Variants in TMED3 observed in about 807,000 individuals in gnomAD.
TMED3 encodes the protein transmembrane p24 trafficking protein 3.
A neutral mutation model predicts 15.0 loss-of-function variants in TMED3; 9 were observed. The observed-to-expected ratio is 0.60, with a 90% CI of 0.36 to 1.04. The LOEUF is 1.04. TMED3 is among the 50% of genes least tolerant of loss of function. The pLI is 0.01. For missense variants in TMED3, 267 were observed against 278.9 expected, an observed-to-expected ratio of 0.96 and a Z score of 0.30; for synonymous variants, 117 against 121.4, an observed-to-expected ratio of 0.96 and a Z score of 0.24.
chr15:79,346,450 G>A (rs1426608927), intron 2 of TMED3, among the ~76,000 whole-genome samples: 1 of 152,146 alleles, frequency 6.6e-6, no homozygotes, highest in Non-Finnish European at 1.5e-5. Context: ...ATAAAGGGCA[G>A]TACCCCTGCA....
In TMED3 at chr15:79,322,457, G is replaced by A; in HGVS notation, c.*243G>A. On this transcript the variant is annotated 3_prime_UTR_variant, in exon 3 of 3. Coordinates refer to ENST00000299705, the MANE Select transcript of TMED3 (RefSeq NM_007364.4). ...GCGCTGAAAAGACATTTACAACTAGGCCAGGGATTAGCCACTGTGGGAGGG... is the reference window on the plus strand; with the variant it reads ...GCGCTGAAAAGACATTTACAACTAGACCAGGGATTAGCCACTGTGGGAGGG... 1.5e-6 allele frequency: 2 copies of A among 1,339,496 alleles called. No homozygotes were observed. Among genetic ancestry groups the A allele is most frequent in the Non-Finnish European group, 1.9e-6 (2 of 1,045,644 alleles). 83.0% of individuals were successfully genotyped at this position (1,339,496 alleles called of 1,614,324 possible). A position where few individuals can be genotyped will look rare whatever the true frequency, so the allele number is the denominator to read the frequency against.
At chr15:79,386,358 G>A (rs1367435230) in intron 2 of TMED3, among the ~76,000 whole-genome samples, 1 of 152,134 alleles carries the variant, frequency 6.6e-6, no homozygotes, top group Admixed American at 6.5e-5. Flanking sequence ...ACTTTTCAGA[G>A]CACTCTCCTC....
intron 2 of TMED3, among the ~76,000 whole-genome samples, chr15:79,353,228 A>T (rs1237695192): frequency 5.2e-5 from 4 of 76,392 alleles, no homozygotes; most frequent in African/African-American, 1.7e-4. Context: ...ATTATACATA[A>T]TATATAAAAT....
At chr15:79,339,524 C>G (rs1315323158) in intron 2 of TMED3, among the ~76,000 whole-genome samples, 1 of 152,216 alleles carries the variant, frequency 6.6e-6, no homozygotes, top group African/African-American at 2.4e-5. Flanking sequence ...GCTGTTGATT[C>G]TATTAACTTC....
chr15:79,328,434 A>G (rs558565089), intron 2 of TMED3, among the ~76,000 whole-genome samples: 15 of 152,224 alleles, frequency 9.9e-5, no homozygotes, highest in Non-Finnish European at 1.6e-4. Context: ...CCTGACTTCT[A>G]TGCAAAAAAA....
At chr15:79,311,443 C>G in intron 1 of TMED3, 26 bp downstream of exon 1, 1 of 1,589,250 alleles carries the variant, frequency 6.3e-7, no homozygotes, top group Non-Finnish European at 8.6e-7. Flanking sequence ...CGGCAGCGCT[C>G]CCTTCTCCCT....
At chr15:79,323,016 A>G, downstream of TMED3, 1 of 529,676 alleles carries the variant, frequency 1.9e-6, no homozygotes. Flanking sequence ...GACTGAAAAC[A>G]AAATAGGAAG....
At chr15:79,353,110 AAT>A (rs1366942908) in intron 2 of TMED3, among the ~76,000 whole-genome samples, 2,691 of 90,852 alleles carry the variant, frequency 0.03, 87 homozygotes, top group Admixed American at 0.087. Flanking sequence ...TAAAATATAA[AAT>A]ATATATATAA....
chr15:79,370,516 C>T (rs1893319382), intron 2 of TMED3, among the ~76,000 whole-genome samples: 1 of 152,062 alleles, frequency 6.6e-6, no homozygotes, highest in African/African-American at 2.4e-5. Context: ...CTCAACCATC[C>T]CCTTTTGCTC....
Position 79,311,214 on chromosome 15 carries a change from C to T in TMED3, c.-36C>T. ...CCCCAGCCCGCCGGGGGCGCAGCGC[C>T]CGAGCCGCGGCCCTCGAGACGGGAC... On this transcript the variant is annotated 5_prime_UTR_variant, in exon 1 of 3. Transcript: ENST00000299705. 1 of 1,562,252 alleles carries T rather than the reference C, an allele frequency of 6.4e-7. No individual in the cohort carries two copies. The highest frequency in any genetic ancestry group is 8.6e-7 in the Non-Finnish European group (1 of 1,160,068).
At chr15:79,406,472 A>G (rs1893905335) in intron 2 of TMED3, among the ~76,000 whole-genome samples, 2 of 152,180 alleles carry the variant, frequency 1.3e-5, no homozygotes, top group Admixed American at 6.5e-5. Flanking sequence ...TGGGGGCCAC[A>G]GTGGCATGCT....
In TMED3 at chr15:79,392,034, T is replaced by A. The variant is rs200410094; in HGVS notation, c.418-19366T>A. Among the ~76,000 whole-genome samples the A allele has an allele frequency of 4.6e-5, 7 of 152,226 alleles. No homozygotes were observed. The East Asian group carries it at 1.3e-3, about 29-fold the overall frequency. On this transcript the variant is annotated intron_variant, in intron 2 of 2. Coordinates refer to the TMED3 transcript ENST00000424155. Reference sequence around the variant, plus strand: ...TAGTTTGTTGGTGAGTTCTTATCCATTCCGCAGTTCTGTATATTTTAAGTG... The same window carrying A: ...TAGTTTGTTGGTGAGTTCTTATCCAATCCGCAGTTCTGTATATTTTAAGTG...
intron 2 of TMED3, among the ~76,000 whole-genome samples, chr15:79,343,588 A>G (rs1024926472): frequency 1.3e-5 from 2 of 152,112 alleles, no homozygotes; most frequent in Non-Finnish European, 2.9e-5. Flanking sequence ...GTTGATTTAT[A>G]TTTCAAAGGG....
At chr15:79,359,302 A>G (rs1013380722) in intron 2 of TMED3, among the ~76,000 whole-genome samples, 2 of 141,468 alleles carry the variant, frequency 1.4e-5, no homozygotes, top group Non-Finnish European at 3.0e-5. Context: ...GCGCAATCTC[A>G]GCTCACTGCA....
chr15:79,337,878 A>G (rs1402106140), intron 2 of TMED3, among the ~76,000 whole-genome samples: 1 of 152,266 alleles, frequency 6.6e-6, no homozygotes, highest in African/African-American at 2.4e-5. Context: ...GTGATAAAAC[A>G]TTACAATATA....
intron 2 of TMED3, among the ~76,000 whole-genome samples, chr15:79,408,277 G>C (rs925904207): frequency 2.6e-5 from 4 of 152,316 alleles, no homozygotes; most frequent in Non-Finnish European, 4.4e-5. Flanking sequence ...GGAACACCCA[G>C]TTCCCTTTGC....
At chr15:79,338,369 A>G (rs2141227195) in intron 2 of TMED3, among the ~76,000 whole-genome samples, 4 of 152,274 alleles carry the variant, frequency 2.6e-5, no homozygotes, top group Middle Eastern at 6.8e-3. Context: ...AAACATCTCA[A>G]AGGCAAAGTA....
At position 79,321,388 on chromosome 15, in the gene TMED3, C is replaced by T. The variant is rs115361723; in HGVS notation, c.418-590C>T. Among the ~76,000 whole-genome samples, 1,470 of 152,250 alleles carry T rather than the reference C, an allele frequency of 9.7e-3. 19 individuals carry two copies. The highest frequency in any genetic ancestry group is 0.033 in the African/African-American group (1,373 of 41,532). On this transcript the variant is annotated intron_variant, in intron 2 of 2. Coordinates refer to ENST00000299705, the MANE Select transcript of TMED3 (RefSeq NM_007364.4). ...CATGAGCGTATGTGTCTATGTAGTGCCTGTTTATATATATGTGTCTTTGCA... is the reference window on the plus strand; with the variant it reads ...CATGAGCGTATGTGTCTATGTAGTGTCTGTTTATATATATGTGTCTTTGCA...
chr15:79,372,644 T>C (rs949266944), intron 2 of TMED3, among the ~76,000 whole-genome samples: 1 of 152,180 alleles, frequency 6.6e-6, no homozygotes, highest in Non-Finnish European at 1.5e-5. Context: ...ACTCATTCAC[T>C]ATCAGCAGAA....
Sources: allele counts gnomAD v4.1 joint callset (sites outside exome capture counted in the v4.1 genomes callset), GRCh38; gene constraint gnomAD v4.1.1; transcripts MANE v1.5; gene names NCBI Gene and HGNC (gene_info 2026-07-23, HGNC 2026-07-21).